The following PDGFRA variants were observed in gnomAD, a reference collection of about 807,000 sequenced individuals.
PDGFRA encodes platelet derived growth factor receptor alpha.
Under a neutral mutation model 121.5 loss-of-function variants are expected in PDGFRA, and 25 were observed. The ratio of observed to expected loss-of-function variants is 0.21; its 90% CI spans 0.15 to 0.29. The LOEUF (loss-of-function observed/expected upper bound fraction) is 0.29, where lower values mean the gene tolerates loss of function less well. PDGFRA is among the 10% of genes least tolerant of loss of function. PDGFRA has a pLI of 1.00. For synonymous variants in PDGFRA, 463 were observed against 494.8 expected, an observed-to-expected ratio of 0.94 and a Z score of 0.85; for missense variants, 1,008 against 1,345.1, an observed-to-expected ratio of 0.75 and a Z score of 3.92.
chr4:54,278,828 G>A (rs929018934), intron 15 of PDGFRA: 1 of 514,338 alleles, frequency 1.9e-6, no homozygotes, highest in South Asian at 1.5e-5. Flanking sequence ...GCTCTGGCCA[G>A]GGATGCTTGA....
intron 3 of PDGFRA, among the ~76,000 whole-genome samples, chr4:54,262,886 G>C (rs1051866859): frequency 6.6e-6 from 1 of 152,174 alleles, no homozygotes; most frequent in South Asian, 2.1e-4. Context: ...AATTCTTCTT[G>C]TTCCAGCACA....
Position 54,263,747 on chromosome 4 carries a change from T to C in PDGFRA, c.448T>C (p.Cys150Arg), listed in dbSNP as rs1173137221. 6.2e-7 allele frequency: 1 copy of C among 1,613,984 alleles called. No individual in the cohort carries two copies. Among genetic ancestry groups the C allele is most frequent in the African/African-American group, 1.3e-5 (1 of 74,928 alleles). ...VEDDDSAIIP[C>R]RTTDPETPVT... is the part of the protein sequence containing the mutation. ...GGATGATGATTCTGCCATTATACCT[T>C]GTCGCACAACTGATCCCGAGACTCC... is the stretch of plus-strand genomic sequence containing the variant. Residue 150 changes from cysteine (C) to arginine (R), a missense_variant, in exon 4 of 23, where the codon TGT becomes CGT. Physicochemically the swap from Cys to Arg is radical, Grantham distance 180. Transcript: ENST00000257290.
At chr4:54,268,111 C>T (rs551409444) in intron 7 of PDGFRA, among the ~76,000 whole-genome samples, 2 of 152,192 alleles carry the variant, frequency 1.3e-5, no homozygotes, top group Non-Finnish European at 2.9e-5. Context: ...TGATTACACC[C>T]ATGAGGCAGT....
At chr4:54,250,018 G>A (rs1721961688) in intron 1 of PDGFRA, among the ~76,000 whole-genome samples, 1 of 152,080 alleles carries the variant, frequency 6.6e-6, no homozygotes, top group South Asian at 2.1e-4. Flanking sequence ...AATTGGGTTT[G>A]ACATTAATAC....
chr4:54,277,451 G>A lies in PDGFRA; in HGVS notation c.1850G>A (p.Arg617Gln), dbSNP rs377318745. 1.5e-5 allele frequency: 25 copies of A among 1,613,862 alleles called. No homozygotes were observed. Among genetic ancestry groups the A allele is most frequent in the African/African-American group, 9.3e-5 (7 of 74,884 alleles). Residue 617 changes from arginine (R) to glutamine (Q), a missense_variant, in exon 13 of 23, where the codon CGG becomes CAG. By Grantham distance (43) the Arg-to-Gln change is conservative. Coordinates refer to ENST00000257290, the MANE Select transcript of PDGFRA (RefSeq NM_006206.6). ...VVEGTAYGLS[R>Q]SQPVMKVAVK... ...GAAGGAACAGCCTATGGATTAAGCC[G>A]GTCCCAACCTGTCATGAAAGTTGCA...
chr4:54,287,454 G>T lies in PDGFRA; in HGVS notation c.2587G>T (p.Ala863Ser), dbSNP rs1262796345. 6.5e-7 allele frequency: 1 copy of T among 1,528,860 alleles called. No homozygotes were observed. The allele number at this position is 1,528,860 out of a possible 1,614,324, so 94.7% of individuals were successfully genotyped here. A position where few individuals can be genotyped will look rare whatever the true frequency, so the allele number is the denominator to read the frequency against. The change falls in exon 19 of 23, where the codon GCT (alanine) becomes TCT (serine). Residue 863 changes from alanine to serine, a missense_variant. Around this residue, in one of 5 missense-constraint regions of PDGFRA, gnomAD observed 40 missense variants for 127.4 expected, o/e 0.31. Transcript: ENST00000257290. ...GACCTTTCTGCCCGTGAAGTGGATG[G>T]CTCCTGAGAGCATCTTTGACAACCT... Reference protein sequence around the residue: ...GSTFLPVKWMAPESIFDNLYT... With the variant: ...GSTFLPVKWMSPESIFDNLYT...
In PDGFRA at chr4:54,267,371, C is replaced by G. The variant is rs770343276; in HGVS notation, c.842C>G (p.Thr281Arg). The change falls in exon 6 of 23, where the codon ACG becomes AGG. Residue 281 changes from threonine (T) to arginine (R), a missense_variant. By Grantham distance (71) the Thr-to-Arg change is moderately conservative. This residue lies in a region of PDGFRA where 575 missense variants were observed against 701.8 expected (regional missense o/e 0.82). Transcript: ENST00000257290. ...TACACTTTGACGGTCCCCGAGGCCA[C>G]GGTGAAAGACAGTGGAGATTACGAA... ...LVYTLTVPEA[T>R]VKDSGDYECA... 1 of 1,613,982 alleles carries G rather than the reference C, an allele frequency of 6.2e-7. No homozygotes were observed. The highest frequency in any genetic ancestry group is 1.7e-5 in the Admixed American group (1 of 59,994).
chr4:54,280,128 C>T (rs777755696), intron 15 of PDGFRA, among the ~76,000 whole-genome samples, 188 bp from the exon 16 acceptor site: 6 of 151,992 alleles, frequency 3.9e-5, no homozygotes, highest in African/African-American at 7.3e-5. Flanking sequence ...TGTATTTGTG[C>T]GACTATTTGA....
At chr4:54,257,536 A>G (rs982339546) in intron 1 of PDGFRA, among the ~76,000 whole-genome samples, 1 of 152,198 alleles carries the variant, frequency 6.6e-6, no homozygotes, top group Non-Finnish European at 1.5e-5. Context: ...GGTGCATCCC[A>G]GGCCAAGACT....
rs373448060 is a variant in PDGFRA at position 54,295,603 on chromosome 4, C to T, written c.*331C>T. Reference sequence around the variant, plus strand: ...AGTCCAACAGACACAATTTATACTGCGACAGAACTTCAGCATTGTAATTAT... The same window carrying T: ...AGTCCAACAGACACAATTTATACTGTGACAGAACTTCAGCATTGTAATTAT... On this transcript the variant is annotated 3_prime_UTR_variant, in exon 23 of 23. Coordinates refer to ENST00000257290, the MANE Select transcript of PDGFRA (RefSeq NM_006206.6). 4.1e-5 allele frequency: 17 copies of T among 412,568 alleles called. No individual in the cohort carries two copies. Among genetic ancestry groups the T allele is most frequent in the Admixed American group, 3.9e-4 (10 of 25,656 alleles). The allele number at this position is 412,568 out of a possible 1,614,324, so 25.6% of individuals were successfully genotyped here.
intron 1 of PDGFRA, among the ~76,000 whole-genome samples, chr4:54,254,457 G>C (rs1419768695): frequency 6.6e-6 from 1 of 152,176 alleles, no homozygotes; most frequent in African/African-American, 2.4e-5. Flanking sequence ...CCCTGGCAGT[G>C]GGTCCACCAT....
intron 19 of PDGFRA, 44 bp downstream of exon 19, chr4:54,287,585 CCA>C: frequency 2.4e-6 from 2 of 821,896 alleles, no homozygotes; most frequent in Non-Finnish European, 4.4e-6. Flanking sequence ...TTCTGAAACA[CCA>C]CTGGAAGGAA....
intron 1 of PDGFRA, among the ~76,000 whole-genome samples, chr4:54,252,290 G>A (rs925016687): frequency 6.6e-6 from 1 of 152,210 alleles, no homozygotes; most frequent in Non-Finnish European, 1.5e-5. Flanking sequence ...TGGGATAATT[G>A]TGCTGATTTT....
At chr4:54,276,232 AC>A (rs1470824828) in intron 12 of PDGFRA, among the ~76,000 whole-genome samples, 1 of 151,692 alleles carries the variant, frequency 6.6e-6, no homozygotes, top group African/African-American at 2.4e-5. Flanking sequence ...CCCCCTACCC[AC>A]CAAATCATCC....
intron 8 of PDGFRA, among the ~76,000 whole-genome samples, chr4:54,271,955 TCTCCC>T (rs1723400745): frequency 4.5e-5 from 1 of 22,244 alleles, no homozygotes; most frequent in Non-Finnish European, 8.0e-5. Context: ...CTTCCTTCAT[TCTCCC>T]CTCCCCTCCC....
Position 54,258,909 on chromosome 4 carries a change from A to G in PDGFRA, c.49+92A>G, listed in dbSNP as rs1324133199. Reference sequence around the variant, plus strand: ...TGGGTTTATTACCAGTACTCTGCATACACAGTCCAAAAGAGTGAAAAGAAA... The same window carrying G: ...TGGGTTTATTACCAGTACTCTGCATGCACAGTCCAAAAGAGTGAAAAGAAA... On this transcript the variant is annotated intron_variant, in intron 2 of 22. Transcript: ENST00000257290. The G allele has an allele frequency of 5.1e-6, 5 of 986,544 alleles. No individual in the cohort carries two copies. The African/African-American group carries it at 8.0e-5, about 16-fold the overall frequency. The allele number at this position is 986,544 out of a possible 1,614,324, so 61.1% of individuals were successfully genotyped here.
chr4:54,297,654 T>TTG lies in PDGFRA; in HGVS notation c.*2398_*2399dup, dbSNP rs202135569. The TTG allele has an allele frequency of 2.6e-3, 602 of 233,648 alleles. 10 individuals carry two copies. Among genetic ancestry groups the TTG allele is most frequent in the African/African-American group, 0.012 (557 of 45,420 alleles). 14.5% of individuals were successfully genotyped at this position (233,648 alleles called of 1,614,324 possible). On this transcript the variant is annotated 3_prime_UTR_variant, in exon 23 of 23. Coordinates refer to ENST00000257290, the MANE Select transcript of PDGFRA (RefSeq NM_006206.6). The stretch of plus-strand genomic sequence containing the variant: ...CACCTGAATTTGTATATGACTGCAT[T>TTG]TGTGTGTGTGTGTGTGTTTTCAGCA...
intron 16 of PDGFRA, among the ~76,000 whole-genome samples, chr4:54,284,553 TGAGAGAGAGACAGAGA>T (rs1423880333): frequency 1.2e-3 from 84 of 72,964 alleles, no homozygotes; most frequent in East Asian, 5.4e-3. Flanking sequence ...CAGGAGCAAG[TGAGAGAGAGACAGAGA>T]GAGAGAGAGA....
In PDGFRA at chr4:54,278,238, A is replaced by C. The variant is rs1368303633; in HGVS notation, c.2003-124A>C. 476 of 682,982 alleles carry C rather than the reference A, an allele frequency of 7.0e-4. 7 individuals are homozygous for C. Among genetic ancestry groups the C allele is most frequent in the African/African-American group, 6.9e-3 (376 of 54,528 alleles). 42.3% of individuals were successfully genotyped at this position (682,982 alleles called of 1,614,324 possible). ...GGCTCTTTATTAAAAAAAAAAAAAA[A>C]AAAAAAAAAAAAAAACTTTTTTGGT... On this transcript the variant is annotated intron_variant, in intron 14 of 22. Coordinates refer to ENST00000257290, the MANE Select transcript of PDGFRA (RefSeq NM_006206.6).
Sources: gnomAD v4.1 joint callset for allele counts (sites outside exome capture counted in the v4.1 genomes callset) on GRCh38, gnomAD v4.1.1 for gene constraint, gnomAD v4.1.1 regional missense constraint, MANE v1.5 for transcripts, NCBI Gene and HGNC (gene_info 2026-07-23, HGNC 2026-07-21) for gene names.